The following ARMC2 variants were observed in gnomAD, a reference collection of about 807,000 sequenced individuals.
ARMC2 encodes the protein armadillo repeat-containing protein 2.
ARMC2 carries 67 observed loss-of-function variants against 90.3 expected under a neutral mutation model. The ratio of observed to expected loss-of-function variants is 0.74; its 90% CI spans 0.61 to 0.91. ARMC2 has a LOEUF of 0.91. Among genes scored for constraint, ARMC2 ranks in the 40% least tolerant of loss-of-function variants. The pLI, the probability that ARMC2 is intolerant of heterozygous loss-of-function variation, is 0.00. For missense variants in ARMC2, 920 were observed against 1,030.9 expected, an observed-to-expected ratio of 0.89 and a Z score of 1.47; for synonymous variants, 393 against 393.0, an observed-to-expected ratio of 1.00 and a Z score of 0.00.
chr6:108,853,934 A>G (rs957283748), intron 1 of ARMC2, among the ~76,000 whole-genome samples: 1 of 152,178 alleles, frequency 6.6e-6, no homozygotes, highest in African/African-American at 2.4e-5. Flanking sequence ...AGACCATGAG[A>G]TGATTCGCTC....
At chr6:108,943,402 A>T (rs1339486668) in intron 12 of ARMC2, among the ~76,000 whole-genome samples, 1 of 152,172 alleles carries the variant, frequency 6.6e-6, no homozygotes, top group Non-Finnish European at 1.5e-5. Flanking sequence ...ATTATTTTTT[A>T]AAAAGCATTA....
downstream of ARMC2, among the ~76,000 whole-genome samples, chr6:108,975,050 A>G (rs1443060266): frequency 6.6e-6 from 1 of 151,538 alleles, no homozygotes; most frequent in East Asian, 1.9e-4. Context: ...GTACATATGC[A>G]GAATGTGGAG....
intron 3 of ARMC2, among the ~76,000 whole-genome samples, chr6:108,858,673 C>A (rs1020461878): frequency 7.3e-5 from 11 of 150,802 alleles, no homozygotes; most frequent in Admixed American, 1.3e-4. Context: ...TGTAGTCTCT[C>A]TATATATACA....
intron 7 of ARMC2, 125 bp downstream of exon 7, chr6:108,899,917 A>G (rs893346288): frequency 8.8e-5 from 63 of 716,766 alleles, no homozygotes; most frequent in Non-Finnish European, 1.3e-4. Context: ...TTCTGTGAAC[A>G]TGTTCAAAAA....
the ARMC2 span, among the ~76,000 whole-genome samples, chr6:109,041,081 G>A: frequency 6.6e-6 from 1 of 151,682 alleles, no homozygotes; most frequent in Non-Finnish European, 1.5e-5. Flanking sequence ...AAGGAGATTA[G>A]CATGAGCCCA....
At chr6:108,858,362 T>C (rs1172189162) in intron 3 of ARMC2, 91 bp downstream of exon 3, 10 of 900,946 alleles carry the variant, frequency 1.1e-5, no homozygotes, top group Non-Finnish European at 1.7e-5. Flanking sequence ...ATATATGCTA[T>C]GATAATTATC....
chr6:108,938,584 T>C (rs1445162977), intron 12 of ARMC2, among the ~76,000 whole-genome samples: 3 of 147,272 alleles, frequency 2.0e-5, no homozygotes, highest in Non-Finnish European at 4.5e-5. Context: ...TATAATTTTA[T>C]TTTCCCATTA....
At chr6:108,983,121 T>G in the ARMC2 span, among the ~76,000 whole-genome samples, 2 of 152,236 alleles carry the variant, frequency 1.3e-5, no homozygotes, top group South Asian at 4.1e-4. Flanking sequence ...CCAGCCCCAT[T>G]TTTTAGTTAT....
At chr6:108,864,760 G>A (rs1371799877) in intron 3 of ARMC2, among the ~76,000 whole-genome samples, 1 of 152,146 alleles carries the variant, frequency 6.6e-6, no homozygotes, top group Admixed American at 6.5e-5. Context: ...ATTGGCCAAG[G>A]TGACGGTGCT....
At chr6:108,929,737 C>G (rs189219437) in intron 11 of ARMC2, among the ~76,000 whole-genome samples, 3 of 152,318 alleles carry the variant, frequency 2.0e-5, no homozygotes, top group Non-Finnish European at 4.4e-5. Flanking sequence ...CCTGCCTCAG[C>G]TTCCCAAAGT....
intron 10 of ARMC2, among the ~76,000 whole-genome samples, chr6:108,920,690 G>C (rs376483018): frequency 2.0e-5 from 3 of 152,112 alleles, no homozygotes; most frequent in Admixed American, 6.5e-5. Context: ...ACCGTGGTTG[G>C]AGGATGTGGC....
At chr6:108,852,251 G>A (rs1774085061) in intron 1 of ARMC2, among the ~76,000 whole-genome samples, 1 of 152,062 alleles carries the variant, frequency 6.6e-6, no homozygotes, top group Admixed American at 6.5e-5. Flanking sequence ...CAGTTCACAT[G>A]TATTATTAAA....
At chr6:108,916,223 C>T (rs2806377) in intron 10 of ARMC2, among the ~76,000 whole-genome samples, 111,094 of 152,112 alleles carry the variant, frequency 0.73, 41,086 homozygotes, top group Middle Eastern at 0.81. Flanking sequence ...AGTTTTGTGG[C>T]GTGGCTGCTC....
chr6:108,968,046 T>A (rs1317472735), intron 17 of ARMC2, among the ~76,000 whole-genome samples: 1 of 152,204 alleles, frequency 6.6e-6, no homozygotes, highest in African/African-American at 2.4e-5. Flanking sequence ...TATTATTATT[T>A]TGTGAGTTTT....
At chr6:108,849,631 C>T (rs1340790594) in intron 1 of ARMC2, among the ~76,000 whole-genome samples, 1 of 152,138 alleles carries the variant, frequency 6.6e-6, no homozygotes, top group Non-Finnish European at 1.5e-5. Context: ...AATGATTTTG[C>T]TGTATCCTTT....
At chr6:108,905,971 G>C (rs1015706023) in intron 8 of ARMC2, among the ~76,000 whole-genome samples, 1 of 152,150 alleles carries the variant, frequency 6.6e-6, no homozygotes, top group African/African-American at 2.4e-5. Flanking sequence ...CCTTGGTGAT[G>C]CGGTTCTATG....
intron 1 of ARMC2, among the ~76,000 whole-genome samples, chr6:108,849,809 G>T (rs1057358719): frequency 6.6e-6 from 1 of 152,218 alleles, no homozygotes; most frequent in Admixed American, 6.5e-5. Flanking sequence ...TTATAGATGA[G>T]GAAACTGATG....
chr6:109,014,859 A>C, the ARMC2 span, among the ~76,000 whole-genome samples: 2 of 152,206 alleles, frequency 1.3e-5, no homozygotes, highest in Non-Finnish European at 1.5e-5. Flanking sequence ...TTTTAGGAAG[A>C]AAGCTGGCTT....
chr6:109,039,004 GAAGA>G, the ARMC2 span, among the ~76,000 whole-genome samples: 10 of 148,128 alleles, frequency 6.8e-5, no homozygotes, highest in African/African-American at 2.0e-4. Context: ...GAGGAGAAAA[GAAGA>G]AAGAGAAAGA....
Sources: gnomAD v4.1 joint callset for allele counts (sites outside exome capture counted in the v4.1 genomes callset) on GRCh38, gnomAD v4.1.1 for gene constraint, MANE v1.5 for transcripts, NCBI Gene and HGNC (gene_info 2026-07-23, HGNC 2026-07-21) for gene names.